Variants in HACD1 observed in about 807,000 individuals in gnomAD.
HACD1 encodes the protein 3-hydroxyacyl-CoA dehydratase 1, also known as very-long-chain (3R)-3-hydroxyacyl-CoA dehydratase 1.
A neutral mutation model predicts 32.0 loss-of-function variants in HACD1; 41 were observed. That is an observed-to-expected ratio of 1.28 (90% CI 1.00 to 1.66). The LOEUF (loss-of-function observed/expected upper bound fraction) is 1.66. HACD1 is among the 40% of genes most tolerant of loss of function. The probability of loss-of-function intolerance (pLI) is 0.00; values close to 1 mark genes in which losing one functional copy is unlikely to be tolerated. For missense variants in HACD1, 396 were observed against 380.1 expected (o/e 1.04, Z -0.35); for synonymous variants, 142 against 139.0 (o/e 1.02, Z -0.15).
At chr10:17,590,857 T>C (rs538272505) in intron 6 of HACD1, among the ~76,000 whole-genome samples, 108 of 152,092 alleles carry the variant, frequency 7.1e-4, no homozygotes, top group Admixed American at 2.0e-3. Context: ...CTGTTTTTAG[T>C]AGAGATGGGA....
At position 17,613,948 on chromosome 10, in the gene HACD1, C is replaced by T. The variant is rs917907031; in HGVS notation, c.257+3135G>A. Among the ~76,000 whole-genome samples, 7 of 152,264 alleles carry T rather than the reference C, an allele frequency of 4.6e-5. No individual in the cohort carries two copies. The South Asian group carries it at 8.3e-4, about 18-fold the overall frequency. The stretch of plus-strand genomic sequence containing the variant: ...ATGCAAGTTGACTGGAAAGGGGAAT[C>T]GGGAGCAGATTGCAAAAAGCCTTGA... On this transcript the variant is annotated intron_variant, in intron 1 of 6. Transcript: ENST00000361271.
chr10:17,601,177 G>C (rs1453485109), intron 4 of HACD1, among the ~76,000 whole-genome samples: 6 of 151,984 alleles, frequency 3.9e-5, no homozygotes, highest in Non-Finnish European at 7.4e-5. Flanking sequence ...GGGACTACAG[G>C]TGCGCACCAC....
Position 17,609,155 on chromosome 10 carries a change from GTTT to G in HACD1, c.258-5111_258-5109del, listed in dbSNP as rs56347429. Among the ~76,000 whole-genome samples, 839 of 132,110 alleles carry G rather than the reference GTTT, an allele frequency of 6.4e-3. 6 individuals are homozygous for G. The highest frequency in any genetic ancestry group is 0.05 in the Middle Eastern group (13 of 258). The allele number at this position is 132,110 out of a possible 152,430, so 86.7% of individuals were successfully genotyped here. ...ATTAAAGAAAAAAAATGTGCAAAAG[GTTT>G]TTTTTTTTTTTTTTGAGACAGAGTC... On this transcript the variant is annotated intron_variant, in intron 1 of 6. Transcript: ENST00000361271.
At chr10:17,592,664 G>C (rs1156340429) in intron 6 of HACD1, among the ~76,000 whole-genome samples, 1 of 152,150 alleles carries the variant, frequency 6.6e-6, no homozygotes, top group Non-Finnish European at 1.5e-5. Context: ...AGAACCCACT[G>C]TTTGAACCTG....
At chr10:17,610,080 CAT>C (rs1554817362) in intron 1 of HACD1, among the ~76,000 whole-genome samples, 2 of 151,766 alleles carry the variant, frequency 1.3e-5, no homozygotes, top group Admixed American at 6.6e-5. Flanking sequence ...AAAACAAAAG[CAT>C]ATGTTCGTAC....
intron 5 of HACD1, among the ~76,000 whole-genome samples, chr10:17,598,405 T>A (rs574268814): frequency 1.1e-4 from 16 of 152,264 alleles, no homozygotes; most frequent in African/African-American, 3.1e-4. Context: ...TGAACATGTA[T>A]AATACTTGGG....
chr10:17,594,193 G>T lies in HACD1; in HGVS notation c.784+12C>A. The stretch of plus-strand genomic sequence containing the variant: ...ATATGTCAAATCAAAGTACTAATAA[G>T]TATATACTTACAAGGTATATATGAT... On this transcript the variant is annotated intron_variant, in intron 6 of 6. Coordinates refer to ENST00000361271, the MANE Select transcript of HACD1 (RefSeq NM_014241.4). The T allele has an allele frequency of 1.4e-6, 2 of 1,444,850 alleles. No individual in the cohort carries two copies. The highest frequency in any genetic ancestry group is 1.8e-6 in the Non-Finnish European group (2 of 1,083,520). The allele number at this position is 1,444,850 out of a possible 1,614,324, so 89.5% of individuals were successfully genotyped here. A position where few individuals can be genotyped will look rare whatever the true frequency, so the allele number is the denominator to read the frequency against.
intron 4 of HACD1, among the ~76,000 whole-genome samples, chr10:17,600,463 C>T (rs1411342697): frequency 4.6e-5 from 7 of 152,084 alleles, no homozygotes; most frequent in African/African-American, 1.7e-4. Flanking sequence ...CCTCAGCCTC[C>T]GGAGTAGCTG....
intron 5 of HACD1, among the ~76,000 whole-genome samples, chr10:17,595,281 G>A (rs1303291870): frequency 1.3e-5 from 2 of 152,174 alleles, no homozygotes; most frequent in Non-Finnish European, 2.9e-5. Flanking sequence ...AAAGACCAGT[G>A]ATTATCCTAA....
chr10:17,598,590 T>C (rs1020541367), intron 5 of HACD1, among the ~76,000 whole-genome samples: 2 of 152,220 alleles, frequency 1.3e-5, no homozygotes, highest in Non-Finnish European at 2.9e-5. Flanking sequence ...CATTTGTCAT[T>C]GTTATTGCTA....
chr10:17,591,234 G>T (rs1488909797), intron 6 of HACD1, among the ~76,000 whole-genome samples: 3 of 142,508 alleles, frequency 2.1e-5, no homozygotes, highest in Non-Finnish European at 4.7e-5. Context: ...CTCACAAACA[G>T]CTGCCCCCTG....
intron 1 of HACD1, among the ~76,000 whole-genome samples, chr10:17,613,406 C>T (rs1265010207): frequency 1.3e-5 from 2 of 152,126 alleles, no homozygotes; most frequent in African/African-American, 4.8e-5. Flanking sequence ...GTTCTTGTCC[C>T]GATTTCAACA....
intron 1 of HACD1, 80 bp downstream of exon 1, chr10:17,617,003 C>T (rs1833097323): frequency 7.6e-7 from 1 of 1,311,780 alleles, no homozygotes; most frequent in South Asian, 2.1e-5. Context: ...CCCTTACACC[C>T]CGGCCCGCGC....
rs1588998709 is a variant in HACD1 at position 17,617,230 on chromosome 10, G to A, written c.110C>T (p.Ala37Val). Residue 37 changes from alanine (A) to valine (V), a missense_variant, in exon 1 of 7, where the codon GCG becomes GTG. Transcript: ENST00000361271. The part of the protein sequence containing the change: ...LPLSPTSPRC[A>V]ATMASSDEDG... Reference sequence around the variant, plus strand: ...CTCGTCGCTGGACGCCATGGTGGCCGCGCACCTGGGGGACGTGGGAGACAG... The same window carrying A: ...CTCGTCGCTGGACGCCATGGTGGCCACGCACCTGGGGGACGTGGGAGACAG... 1 of 1,490,146 alleles carries A rather than the reference G, an allele frequency of 6.7e-7. No individual in the cohort carries two copies. The highest frequency in any genetic ancestry group is 8.9e-7 in the Non-Finnish European group (1 of 1,125,330). The allele number at this position is 1,490,146 out of a possible 1,614,324, so 92.3% of individuals were successfully genotyped here.
intron 1 of HACD1, among the ~76,000 whole-genome samples, chr10:17,606,830 T>A (rs1834155159): frequency 6.6e-6 from 1 of 152,184 alleles, no homozygotes; most frequent in Admixed American, 6.5e-5. Flanking sequence ...GTCAGAGTGC[T>A]TTCTATGTCT....
At position 17,594,305 on chromosome 10, in the gene HACD1, C is replaced by A. The variant is rs1833966662; in HGVS notation, c.684G>T (p.Val228=). The change falls in exon 6 of 7, where the codon GTG becomes GTT. Residue 228 remains valine, a synonymous_variant. Coordinates refer to ENST00000361271, the MANE Select transcript of HACD1 (RefSeq NM_014241.4). ...TTATTGAAAACATTCCTGTTTTCTT[C>A]ACATGCGGCAAGGCAGCGTATATTG... ...LLTIYAALPH[V]KKTGMFSIRL... is the part of the protein sequence containing the mutation. The A allele has an allele frequency of 6.2e-7, 1 of 1,605,260 alleles. No individual in the cohort carries two copies. The highest frequency in any genetic ancestry group is 1.1e-5 in the South Asian group (1 of 89,550).
chr10:17,601,668 C>CT (rs1224953080), intron 4 of HACD1, among the ~76,000 whole-genome samples: 1 of 152,146 alleles, frequency 6.6e-6, no homozygotes, highest in East Asian at 1.9e-4. Flanking sequence ...CTGGAAGAGT[C>CT]TGTCTTCTAG....
chr10:17,594,406 G>T, intron 5 of HACD1, 23 bp from the exon 6 acceptor site: 4 of 1,426,328 alleles, frequency 2.8e-6, no homozygotes, highest in Non-Finnish European at 3.7e-6. Flanking sequence ...AAACCTCAGA[G>T]AATTATTTTT....
At chr10:17,592,197 G>T (rs1833938202) in intron 6 of HACD1, among the ~76,000 whole-genome samples, 1 of 151,708 alleles carries the variant, frequency 6.6e-6, no homozygotes, top group Non-Finnish European at 1.5e-5. Flanking sequence ...GGTCAGGCTG[G>T]TCTTGAACTC....
Sources: gnomAD v4.1 joint callset for allele counts (sites outside exome capture counted in the v4.1 genomes callset) on GRCh38, gnomAD v4.1.1 for gene constraint, MANE v1.5 for transcripts, NCBI Gene and HGNC (gene_info 2026-07-23, HGNC 2026-07-21) for gene names.